FYN: variants seen among roughly 807,000 people sequenced by gnomAD.
FYN encodes FYN proto-oncogene, Src family tyrosine kinase.
A neutral mutation model predicts 70.2 loss-of-function variants in FYN; 10 were observed. That is an observed-to-expected ratio of 0.14 (90% confidence interval 0.09 to 0.24). The LOEUF (loss-of-function observed/expected upper bound fraction) is 0.24. FYN is among the 10% of genes least tolerant of loss of function. FYN has a pLI of 1.00. For missense variants in FYN, 319 were observed against 673.1 expected (o/e 0.47, Z 5.82); for synonymous variants, 236 against 248.6 (o/e 0.95, Z 0.48).
chr6:111,691,032 C>A (rs1430821331), intron 12 of FYN, among the ~76,000 whole-genome samples: 2 of 152,168 alleles, frequency 1.3e-5, no homozygotes. Context: ...TAACTAAAGA[C>A]GAACTATCTG....
chr6:111,661,612 TCAGAGTCACATGC>T lies in FYN; in HGVS notation c.*114_*126del. 1.2e-6 allele frequency: 1 copy of T among 863,054 alleles called. No homozygotes were observed. The highest frequency in any genetic ancestry group is 1.8e-6 in the Non-Finnish European group (1 of 548,148). 53.5% of individuals were successfully genotyped at this position (863,054 alleles called of 1,614,324 possible). A position where few individuals can be genotyped will look rare whatever the true frequency, so the allele number is the denominator to read the frequency against. On this transcript the variant is annotated 3_prime_UTR_variant, in exon 14 of 14. Transcript: ENST00000354650. This position sits in a 1 kb window ranked among gnomAD's most constrained non-coding sequence, Gnocchi z 4.0. Reference sequence around the variant, plus strand: ...TGAGGGCCATGGAAGTTCGTCAGCTTCAGAGTCACATGCAATCTGATCCTGGGCGGTTCCGCTG... The same window carrying T: ...TGAGGGCCATGGAAGTTCGTCAGCTTAATCTGATCCTGGGCGGTTCCGCTG...
intron 1 of FYN, among the ~76,000 whole-genome samples, chr6:111,868,446 G>A (rs573050728): frequency 3.3e-5 from 5 of 152,036 alleles, no homozygotes; most frequent in East Asian, 1.9e-4. Flanking sequence ...TTCCAGTATC[G>A]ACATGCCTTG....
chr6:111,761,405 CAT>C (rs1583418185), intron 3 of FYN, among the ~76,000 whole-genome samples: 1 of 152,202 alleles, frequency 6.6e-6, no homozygotes, highest in East Asian at 1.9e-4. Context: ...GTAGTTAACT[CAT>C]GAGATGGGTT....
At chr6:111,785,582 AG>A (rs1371766661) in intron 2 of FYN, among the ~76,000 whole-genome samples, 1 of 152,180 alleles carries the variant, frequency 6.6e-6, no homozygotes, top group Non-Finnish European at 1.5e-5. Flanking sequence ...TATGCTTTAC[AG>A]GGAGAAAACG....
chr6:111,817,056 G>T (rs1583467609), intron 2 of FYN, among the ~76,000 whole-genome samples: 1 of 152,060 alleles, frequency 6.6e-6, no homozygotes, highest in South Asian at 2.1e-4. Flanking sequence ...AAATTTTGAT[G>T]TAAAATTATA....
intron 1 of FYN, among the ~76,000 whole-genome samples, chr6:111,850,945 T>C (rs770780094): frequency 5.9e-5 from 9 of 152,232 alleles, no homozygotes; most frequent in Non-Finnish European, 1.3e-4. Flanking sequence ...CAACCATTCA[T>C]TCTGGCCCCA....
intron 3 of FYN, among the ~76,000 whole-genome samples, chr6:111,773,088 AT>A (rs1372699364): frequency 6.6e-6 from 1 of 150,604 alleles, no homozygotes; most frequent in Non-Finnish European, 1.5e-5. Context: ...ATTTTATATA[AT>A]ATGTATAATT....
chr6:111,822,486 G>T (rs921370972), intron 2 of FYN, among the ~76,000 whole-genome samples: 17 of 151,308 alleles, frequency 1.1e-4, no homozygotes, highest in African/African-American at 2.7e-4. Flanking sequence ...GTTGTGGGGT[G>T]GGGGGAGCGG....
chr6:111,795,130 T>C (rs984475113), intron 2 of FYN, among the ~76,000 whole-genome samples: 8 of 152,328 alleles, frequency 5.3e-5, no homozygotes, highest in Middle Eastern at 3.4e-3. Flanking sequence ...CTGAATTGTA[T>C]CCCTCCAAAA....
intron 3 of FYN, among the ~76,000 whole-genome samples, chr6:111,729,917 G>A (rs1490273381): frequency 6.6e-6 from 1 of 152,058 alleles, no homozygotes; most frequent in African/African-American, 2.4e-5. Flanking sequence ...TTTATAATGA[G>A]AATAAATCAC....
chr6:111,799,976 C>T (rs1337915626), intron 2 of FYN, among the ~76,000 whole-genome samples: 3 of 152,148 alleles, frequency 2.0e-5, no homozygotes, highest in African/African-American at 7.2e-5. Flanking sequence ...AAATGGTAAC[C>T]GGCAGGGTTT....
intron 3 of FYN, among the ~76,000 whole-genome samples, chr6:111,756,951 G>GCTATCCCTACTTCCTATCCCC (rs1299525584): frequency 2.6e-5 from 4 of 151,944 alleles, no homozygotes; most frequent in Non-Finnish European, 5.9e-5. Context: ...TCCTATCCCC[G>GCTATCCCTACTTCCTATCCCC]CTATCCCTAC....
At chr6:111,681,318 G>A (rs1413327265) in intron 12 of FYN, among the ~76,000 whole-genome samples, 4 of 152,054 alleles carry the variant, frequency 2.6e-5, no homozygotes, top group Admixed American at 2.6e-4. Context: ...ATGAGCCACT[G>A]CACCTAGTTT....
At chr6:111,832,795 A>G (rs1047480471) in intron 2 of FYN, among the ~76,000 whole-genome samples, 6 of 152,210 alleles carry the variant, frequency 3.9e-5, no homozygotes, top group Admixed American at 2.6e-4. Context: ...AATAGACAAT[A>G]CTAGTCAATA....
At chr6:111,715,755 T>C (rs1800611061) in intron 4 of FYN, among the ~76,000 whole-genome samples, 1 of 152,178 alleles carries the variant, frequency 6.6e-6, no homozygotes, top group African/African-American at 2.4e-5. Flanking sequence ...CAACGTACCT[T>C]GATTACAGCC....
chr6:111,824,347 T>G (rs1234360465), intron 2 of FYN, among the ~76,000 whole-genome samples: 2 of 152,160 alleles, frequency 1.3e-5, no homozygotes, highest in Non-Finnish European at 2.9e-5. Flanking sequence ...TTGAAATGAT[T>G]TTCCTCCCAA....
chr6:111,842,607 C>T (rs1773397057), intron 2 of FYN, among the ~76,000 whole-genome samples: 1 of 152,208 alleles, frequency 6.6e-6, no homozygotes, highest in Non-Finnish European at 1.5e-5. Flanking sequence ...GTAAACACTG[C>T]TGGCCTCTGA....
At chr6:111,671,057 A>T (rs781190831) in intron 13 of FYN, among the ~76,000 whole-genome samples, 3 of 152,226 alleles carry the variant, frequency 2.0e-5, no homozygotes, top group Non-Finnish European at 2.9e-5. Context: ...CGGGGAACTG[A>T]TGGAGCTCTT....
At chr6:111,746,029 A>C (rs1030005347) in intron 3 of FYN, among the ~76,000 whole-genome samples, 1 of 152,240 alleles carries the variant, frequency 6.6e-6, no homozygotes, top group Admixed American at 6.5e-5. Flanking sequence ...AAAGGAACCC[A>C]CGTACCTGGT....
Sources: allele counts gnomAD v4.1 joint callset (sites outside exome capture counted in the v4.1 genomes callset), GRCh38; gene constraint gnomAD v4.1.1; non-coding constraint Gnocchi (gnomAD v3.1); transcripts MANE v1.5; gene names NCBI Gene and HGNC (gene_info 2026-07-23, HGNC 2026-07-21).